CSRP1: variants seen among roughly 807,000 people sequenced by gnomAD.
The protein encoded by CSRP1 is cysteine and glycine rich protein 1, also known as cysteine and glycine-rich protein 1.
CSRP1 carries 16 observed loss-of-function variants against 25.4 expected under a neutral mutation model. The observed-to-expected ratio is 0.63, with a 90% CI of 0.43 to 0.96. CSRP1 has a LOEUF of 0.96. Ranked by LOEUF, CSRP1 falls within the 40% of genes least tolerant of loss-of-function variation. The pLI is 0.00. For synonymous variants in CSRP1, 97 were observed against 95.3 expected (o/e 1.02, Z -0.10); for missense variants, 212 against 243.6 (o/e 0.87, Z 0.86).
chr1:201,488,675 T>G, intron 4 of CSRP1, 180 bp downstream of exon 4: 110 of 588,316 alleles, frequency 1.9e-4, no homozygotes, highest in East Asian at 3.9e-4. Context: ...ATGGCTGATA[T>G]GAGCTCCTTG....
chr1:201,485,507 G>A, intron 4 of CSRP1, 131 bp from the exon 5 acceptor site: 2 of 772,880 alleles, frequency 2.6e-6, no homozygotes, highest in East Asian at 2.6e-5. Flanking sequence ...AGCTGGTGCT[G>A]CTGGGAGGAC....
At chr1:201,484,949 T>C (rs1447473812) in intron 5 of CSRP1, among the ~76,000 whole-genome samples, 160 bp from the exon 6 acceptor site, 1 of 151,648 alleles carries the variant, frequency 6.6e-6, no homozygotes, top group Non-Finnish European at 1.5e-5. Flanking sequence ...CCAATCTCAA[T>C]AGTAAAATAG....
At chr1:201,492,130 T>C (rs1664357495) in intron 2 of CSRP1, 1 of 152,188 alleles carries the variant, frequency 6.6e-6, no homozygotes, top group African/African-American at 2.4e-5. Context: ...GGCCTGGAAT[T>C]GTTTTCCTGT....
intron 1 of CSRP1, among the ~76,000 whole-genome samples, chr1:201,496,810 A>G (rs963069997): frequency 2.0e-5 from 3 of 152,252 alleles, no homozygotes; most frequent in African/African-American, 7.2e-5. Flanking sequence ...CAAGGGAATG[A>G]TGATCACAAG....
intron 1 of CSRP1, 45 bp from the exon 2 acceptor site, chr1:201,496,349 G>A (rs1228922653): frequency 2.8e-6 from 4 of 1,405,578 alleles, no homozygotes; most frequent in Non-Finnish European, 3.0e-6. Context: ...CAGGGAGATG[G>A]AAACATCTCA....
intron 4 of CSRP1, chr1:201,486,319 A>C (rs1664141532): frequency 5.1e-6 from 5 of 983,904 alleles, no homozygotes; most frequent in Non-Finnish European, 6.0e-6. Context: ...TGGGCAGGCT[A>C]AGAGGCTGAT....
chr1:201,500,811 G>C (rs564580524), intron 1 of CSRP1, among the ~76,000 whole-genome samples: 1 of 152,316 alleles, frequency 6.6e-6, no homozygotes, highest in Admixed American at 6.5e-5. Context: ...TAGGGAGGCC[G>C]AATTGCCTTA....
chr1:201,504,591 C>CT (rs139164355), intron 1 of CSRP1, among the ~76,000 whole-genome samples: 4,210 of 152,300 alleles, frequency 0.028, 209 homozygotes, highest in African/African-American at 0.096. Flanking sequence ...ATATTTAAAA[C>CT]TTTAACAACC....
chr1:201,494,449 C>T (rs762393444), intron 2 of CSRP1, among the ~76,000 whole-genome samples: 4 of 152,196 alleles, frequency 2.6e-5, no homozygotes, highest in South Asian at 4.1e-4. Flanking sequence ...GATAACAAGA[C>T]GCTGCTGTTT....
intron 2 of CSRP1, 138 bp from the exon 3 acceptor site, chr1:201,490,482 A>G: frequency 1.2e-6 from 1 of 867,540 alleles, no homozygotes; most frequent in Non-Finnish European, 1.7e-6. Context: ...CTGTCTACAA[A>G]TGGAGGCAGG....
intron 3 of CSRP1, 154 bp from the exon 4 acceptor site, chr1:201,489,138 C>A: frequency 1.2e-6 from 1 of 863,332 alleles, no homozygotes; most frequent in Non-Finnish European, 1.7e-6. Context: ...AGGGTCATCT[C>A]CCATTTTACA....
chr1:201,493,829 C>T (rs1664415981), intron 2 of CSRP1, among the ~76,000 whole-genome samples: 1 of 152,210 alleles, frequency 6.6e-6, no homozygotes, highest in Admixed American at 6.5e-5. Flanking sequence ...ATGGGGTGAA[C>T]ACTTATCACC....
chr1:201,494,353 A>AC (rs142915663), intron 2 of CSRP1, among the ~76,000 whole-genome samples: 49 of 151,826 alleles, frequency 3.2e-4, no homozygotes, highest in African/African-American at 1.2e-3. Context: ...AGCAGCCTAG[A>AC]CCCCCTTCCC....
chr1:201,485,482 T>A (rs1664105684), intron 4 of CSRP1, 106 bp from the exon 5 acceptor site: 6 of 961,788 alleles, frequency 6.2e-6, no homozygotes, highest in African/African-American at 4.8e-5. Flanking sequence ...CTCAAGCCAC[T>A]TCTGAAGTCT....
chr1:201,499,320 GC>G (rs1354979425), intron 1 of CSRP1, among the ~76,000 whole-genome samples: 1 of 152,188 alleles, frequency 6.6e-6, no homozygotes, highest in Non-Finnish European at 1.5e-5. Context: ...CTGGGGAGAT[GC>G]CCCTTCCCCA....
Position 201,499,874 on chromosome 1 carries a change from G to A in CSRP1, c.-1-3570C>T, listed in dbSNP as rs1450533621. Among the ~76,000 whole-genome samples the A allele has an allele frequency of 5.3e-5, 8 of 152,052 alleles. No homozygotes were observed. The East Asian group carries it at 5.8e-4, about 11-fold the overall frequency. Reference sequence around the variant, plus strand: ...TGACCTCAAGTGATCTGCCTGCCTCGGTCTCCTAATGTGCTGGGATTATAG... The same window carrying A: ...TGACCTCAAGTGATCTGCCTGCCTCAGTCTCCTAATGTGCTGGGATTATAG... On this transcript the variant is annotated intron_variant, in intron 1 of 5. Coordinates refer to ENST00000340006, the MANE Select transcript of CSRP1 (RefSeq NM_004078.3).
intron 1 of CSRP1, among the ~76,000 whole-genome samples, chr1:201,497,911 G>T (rs561070800): frequency 6.6e-6 from 1 of 152,154 alleles, no homozygotes; most frequent in South Asian, 2.1e-4. Flanking sequence ...TCAGGAGGCT[G>T]AGGCAGGAGA....
intron 1 of CSRP1, chr1:201,496,570 G>A (rs1249792098): frequency 6.0e-6 from 3 of 496,678 alleles, no homozygotes; most frequent in African/African-American, 3.9e-5. Context: ...GCACTCTAAA[G>A]GATGTGGATC....
intron 1 of CSRP1, among the ~76,000 whole-genome samples, chr1:201,505,018 T>C (rs1664776421): frequency 6.6e-6 from 1 of 152,170 alleles, no homozygotes; most frequent in Non-Finnish European, 1.5e-5. Flanking sequence ...GAGAATCGCT[T>C]GAACCCAGGA....
Sources: allele counts gnomAD v4.1 joint callset (sites outside exome capture counted in the v4.1 genomes callset), GRCh38; gene constraint gnomAD v4.1.1; transcripts MANE v1.5; gene names NCBI Gene and HGNC (gene_info 2026-07-23, HGNC 2026-07-21).